CCDC149: variants seen among roughly 807,000 people sequenced by gnomAD.
The protein encoded by CCDC149 is coiled-coil domain-containing protein 149.
Under a neutral mutation model 59.9 loss-of-function variants are expected in CCDC149, and 45 were observed. The ratio of observed to expected loss-of-function variants is 0.75; its 90% CI spans 0.59 to 0.96. The LOEUF is 0.96. Among genes scored for constraint, CCDC149 ranks in the 40% least tolerant of loss-of-function variants. The probability of loss-of-function intolerance (pLI) is 0.00; values close to 1 mark genes in which losing one functional copy is unlikely to be tolerated. For synonymous variants in CCDC149, 245 were observed against 260.6 expected (o/e 0.94, Z 0.58); for missense variants, 584 against 664.7 (o/e 0.88, Z 1.33).
At chr4:24,834,896 G>T (rs1214808356) in intron 8 of CCDC149, 52 bp downstream of exon 8, 1 of 1,366,618 alleles carries the variant, frequency 7.3e-7, no homozygotes, top group Non-Finnish European at 1.0e-6. Flanking sequence ...TGGGCTTGCA[G>T]CTCTAGTATT....
chr4:24,894,777 A>T (rs1720743443), intron 1 of CCDC149, among the ~76,000 whole-genome samples: 2 of 151,854 alleles, frequency 1.3e-5, no homozygotes, highest in Admixed American at 1.3e-4. Flanking sequence ...TTAGCATAAC[A>T]CATGTATATT....
intron 1 of CCDC149, among the ~76,000 whole-genome samples, chr4:24,953,295 G>T (rs1014609210): frequency 2.0e-5 from 3 of 152,324 alleles, no homozygotes; most frequent in South Asian, 2.1e-4. Context: ...GCTGTGTGCA[G>T]CTTCCTCCAG....
At chr4:24,838,039 C>T (rs1035552469) in intron 5 of CCDC149, 117 bp downstream of exon 5, 36 of 830,720 alleles carry the variant, frequency 4.3e-5, no homozygotes, top group African/African-American at 6.7e-5. Context: ...TAAAAGCATT[C>T]AACGTGCATC....
chr4:24,804,486 CA>C (rs397796144), downstream of CCDC149, among the ~76,000 whole-genome samples: 14,529 of 57,412 alleles, frequency 0.25, 468 homozygotes, highest in Admixed American at 0.27. Flanking sequence ...GTGAGACTCT[CA>C]AAAAAAAAAA....
At chr4:24,830,541 A>T (rs1342086541) in intron 9 of CCDC149, 1 of 152,058 alleles carries the variant, frequency 6.6e-6, no homozygotes, top group African/African-American at 2.4e-5. Context: ...TTTTTATAAT[A>T]CTTTCAATCA....
chr4:24,918,517 T>C (rs1456329511), intron 1 of CCDC149, among the ~76,000 whole-genome samples: 2 of 152,156 alleles, frequency 1.3e-5, no homozygotes, highest in Non-Finnish European at 2.9e-5. Context: ...CATCAAACCA[T>C]TCACAGTAGG....
chr4:24,913,110 C>T (rs1360567090), upstream of CCDC149, among the ~76,000 whole-genome samples: 1 of 150,650 alleles, frequency 6.6e-6, no homozygotes, highest in African/African-American at 2.4e-5. Flanking sequence ...GCAGCCGAGC[C>T]CCGCCGGGCC....
chr4:24,955,934 G>A (rs1723451545), intron 1 of CCDC149, among the ~76,000 whole-genome samples: 1 of 152,238 alleles, frequency 6.6e-6, no homozygotes, highest in South Asian at 2.1e-4. Context: ...AGAGACTTCA[G>A]TTGAGTAACA....
At chr4:24,824,746 G>C (rs996996857) in intron 9 of CCDC149, among the ~76,000 whole-genome samples, 1 of 152,222 alleles carries the variant, frequency 6.6e-6, no homozygotes, top group African/African-American at 2.4e-5. Context: ...CTGGTGGTGA[G>C]GCTGTATCGG....
chr4:24,882,981 A>C (rs1290366368), intron 1 of CCDC149, among the ~76,000 whole-genome samples: 2 of 152,170 alleles, frequency 1.3e-5, no homozygotes, highest in African/African-American at 4.8e-5. Context: ...AATGCAGTAA[A>C]TCTTCAAGCT....
chr4:24,839,397 T>C (rs1258206152), intron 4 of CCDC149, among the ~76,000 whole-genome samples: 6 of 152,098 alleles, frequency 3.9e-5, no homozygotes, highest in Non-Finnish European at 8.8e-5. Context: ...GCCAGGATGG[T>C]CTCGATCTCC....
chr4:24,803,651 T>C (rs1713987114), downstream of CCDC149, among the ~76,000 whole-genome samples: 1 of 152,282 alleles, frequency 6.6e-6, no homozygotes, highest in Middle Eastern at 3.4e-3. This position sits in a 1 kb window ranked among gnomAD's most constrained non-coding sequence, Gnocchi z 4.3. Flanking sequence ...AACTACAAAA[T>C]AGCAGCTGGT....
chr4:24,875,027 G>A (rs1719321495), intron 2 of CCDC149, among the ~76,000 whole-genome samples: 1 of 152,164 alleles, frequency 6.6e-6, no homozygotes, highest in Non-Finnish European at 1.5e-5. Context: ...CTGAGTTAAA[G>A]GCTGGGCACG....
chr4:24,974,206 A>T (rs1249829123), intron 1 of CCDC149, among the ~76,000 whole-genome samples: 2 of 152,092 alleles, frequency 1.3e-5, no homozygotes, highest in African/African-American at 4.8e-5. Context: ...TTTCCCCACC[A>T]ATCAGCCATC....
chr4:24,936,898 C>A (rs536196113), intron 1 of CCDC149, among the ~76,000 whole-genome samples: 11 of 152,330 alleles, frequency 7.2e-5, no homozygotes, highest in South Asian at 6.2e-4. Flanking sequence ...TGAGATCAGT[C>A]CCGAAGGTCT....
At chr4:24,962,885 A>C (rs1723679068) in intron 1 of CCDC149, among the ~76,000 whole-genome samples, 2 of 150,918 alleles carry the variant, frequency 1.3e-5, no homozygotes, top group South Asian at 4.2e-4. Flanking sequence ...AAGTATAATA[A>C]AAAAATAAAA....
chr4:24,809,827 T>C (rs1438341195), intron 12 of CCDC149, among the ~76,000 whole-genome samples: 3 of 152,172 alleles, frequency 2.0e-5, no homozygotes, highest in Non-Finnish European at 2.9e-5. Flanking sequence ...CTTGCTATCA[T>C]ATATGCGCAG....
At chr4:24,959,085 T>TG (rs1389547855) in intron 1 of CCDC149, among the ~76,000 whole-genome samples, 1 of 149,888 alleles carries the variant, frequency 6.7e-6, no homozygotes, top group East Asian at 2.1e-4. Flanking sequence ...GCAATTCTCC[T>TG]GCCTCAGCCT....
chr4:24,882,687 T>G (rs778669702), intron 1 of CCDC149, among the ~76,000 whole-genome samples: 1 of 152,220 alleles, frequency 6.6e-6, no homozygotes, highest in Non-Finnish European at 1.5e-5. Flanking sequence ...GTTTGATCCC[T>G]GGCTGCTGCC....
Sources: gnomAD v4.1 joint callset for allele counts (sites outside exome capture counted in the v4.1 genomes callset) on GRCh38, gnomAD v4.1.1 for gene constraint, Gnocchi (gnomAD v3.1) non-coding constraint, MANE v1.5 for transcripts, NCBI Gene and HGNC (gene_info 2026-07-23, HGNC 2026-07-21) for gene names.